The following TNK2 variants were observed in gnomAD, a reference collection of about 807,000 sequenced individuals.
The protein encoded by TNK2 is activated CDC42 kinase 1.
TNK2 carries 83 observed loss-of-function variants against 101.8 expected under a neutral mutation model. That is an observed-to-expected ratio of 0.82 (90% CI 0.68 to 0.98). The LOEUF (loss-of-function observed/expected upper bound fraction) is 0.98, where lower values mean the gene tolerates loss of function less well. Among genes scored for constraint, TNK2 ranks in the 50% least tolerant of loss-of-function variants. TNK2 has a pLI of 0.00. For synonymous variants in TNK2, 804 were observed against 633.0 expected, an observed-to-expected ratio of 1.27 and a Z score of -4.06; for missense variants, 1,665 against 1,483.2, an observed-to-expected ratio of 1.12 and a Z score of -2.01.
chr3:195,870,328 C>T (rs1744181705), intron 10 of TNK2, 123 bp from the exon 11 acceptor site: 23 of 1,532,214 alleles, frequency 1.5e-5, no homozygotes, highest in Non-Finnish European at 2.0e-5. Context: ...GCACAGGCCT[C>T]CCGCCTCCCA....
chr3:195,886,981 C>T lies in TNK2; in HGVS notation c.230G>A (p.Ser77Asn). 1 of 1,539,780 alleles carries T rather than the reference C, an allele frequency of 6.5e-7. No homozygotes were observed. The highest frequency in any genetic ancestry group is 8.8e-7 in the Non-Finnish European group (1 of 1,134,100). ...KALCKRKSWMSKVFSGKRLEA... is the reference protein window; with the variant it reads ...KALCKRKSWMNKVFSGKRLEA... ...CTCACCCACCTCCTCACCCACCTTA[C>T]TCATCCACGACTTGCGTTTGCACAA... Residue 77 changes from serine to asparagine, a missense_variant, in exon 3 of 16, where the codon AGT becomes AAT. Transcript: ENST00000672887. The surrounding 1 kb of genome is among the most constrained non-coding windows in gnomAD (Gnocchi z 4.2).
intron 11 of TNK2, chr3:195,869,820 TA>T: frequency 1.8e-6 from 1 of 562,606 alleles, no homozygotes; most frequent in Non-Finnish European, 3.2e-6. Flanking sequence ...AGAGCAGGAT[TA>T]GGGGGAAGTG....
At chr3:195,876,725 G>C (rs1413805512) in intron 9 of TNK2, 1 of 442,484 alleles carries the variant, frequency 2.3e-6, no homozygotes, top group South Asian at 1.6e-5. Flanking sequence ...GGAACCAGCG[G>C]CTGGGGCCAA....
chr3:195,885,066 C>G lies in TNK2; in HGVS notation c.235-33G>C. 1 of 1,552,990 alleles carries G rather than the reference C, an allele frequency of 6.4e-7. No individual in the cohort carries two copies. Among genetic ancestry groups the G allele is most frequent in the Non-Finnish European group, 8.7e-7 (1 of 1,145,316 alleles). On this transcript the variant is annotated intron_variant, in intron 3 of 15. Transcript: ENST00000672887. The surrounding 1 kb of genome is among the most constrained non-coding windows in gnomAD (Gnocchi z 4.7). The stretch of plus-strand genomic sequence containing the variant: ...AAGGCAGCCGGGGGCCAGATGGAAT[C>G]CAACACCCCAGGGTCAGTCACTCAG...
Position 195,899,572 on chromosome 3 carries a change from C to T in TNK2, c.-19+8913G>A, listed in dbSNP as rs55715968. On this transcript the variant is annotated intron_variant, in intron 1 of 15. Transcript: ENST00000672887. ...GTCTCGATCTCCTGACCTCATGATC[C>T]GCCCACCTCAGCCGCCCACAGGGCT... Among the ~76,000 whole-genome samples, 408 of 152,280 alleles carry T rather than the reference C, an allele frequency of 2.7e-3. 1 individual carries two copies. The highest frequency in any genetic ancestry group is 4.0e-3 in the Non-Finnish European group (275 of 68,022).
At chr3:195,901,499 T>G (rs1043374828) in intron 1 of TNK2, among the ~76,000 whole-genome samples, 14 of 151,514 alleles carry the variant, frequency 9.2e-5, no homozygotes, top group Non-Finnish European at 2.1e-4. Flanking sequence ...TACATCCAGC[T>G]GGGGGGCCCA....
intron 11 of TNK2, 157 bp from the exon 12 acceptor site, chr3:195,869,698 G>A (rs927970448): frequency 1.7e-5 from 13 of 750,450 alleles, no homozygotes; most frequent in East Asian, 8.1e-5. Context: ...ACGGGAGGCC[G>A]CAGGCGGCAG....
intron 15 of TNK2, among the ~76,000 whole-genome samples, chr3:195,864,400 C>T (rs985643369): frequency 6.6e-6 from 1 of 152,014 alleles, no homozygotes; most frequent in African/African-American, 2.4e-5. Flanking sequence ...TTAGAGAATC[C>T]GAAGACGACA....
rs771344043 is a variant in TNK2 at position 195,884,828 on chromosome 3, G to A, written c.440C>T (p.Ala147Val). The change falls in exon 4 of 16, where the codon GCG (alanine) becomes GTG (valine). Residue 147 changes from alanine (A) to valine (V), a missense_variant. Coordinates refer to ENST00000672887, the MANE Select transcript of TNK2 (RefSeq NM_001382273.1). ...AGAGCTCACCGTCTTCCCTGAGGGC[G>A]CGTCCCACTCGCCCCTGCGCACCAC... The part of the protein sequence containing the change: ...FGVVRRGEWD[A>V]PSGKTVSVAV... 32 of 1,611,462 alleles carry A rather than the reference G, an allele frequency of 2.0e-5. No homozygotes were observed. The Admixed American group carries it at 3.3e-4, about 17-fold the overall frequency.
Position 195,878,194 on chromosome 3 carries a change from C to A in TNK2, c.1256+59G>T. The A allele has an allele frequency of 1.3e-6, 2 of 1,561,180 alleles. No individual in the cohort carries two copies. Among genetic ancestry groups the A allele is most frequent in the East Asian group, 4.5e-5 (2 of 44,658 alleles). ...AGGCCAAACAGATCTGTCCACAGGT[C>A]CCTCCGACCTGTGCCCTTCAAGCGA... is the stretch of plus-strand genomic sequence containing the variant. On this transcript the variant is annotated intron_variant, in intron 9 of 15. Transcript: ENST00000672887. This position sits in a 1 kb window ranked among gnomAD's most constrained non-coding sequence, Gnocchi z 4.7.
chr3:195,876,175 C>G (rs1285314446), intron 9 of TNK2, among the ~76,000 whole-genome samples: 1 of 152,188 alleles, frequency 6.6e-6, no homozygotes, highest in African/African-American at 2.4e-5. Context: ...AAACGAGCCC[C>G]TGGGAAAGAC....
rs759919084 is a variant in TNK2, at chr3:195,887,024, C to G, written c.187G>C (p.Val63Leu). The G allele has an allele frequency of 1.2e-6, 2 of 1,613,940 alleles. No individual in the cohort carries two copies. Among genetic ancestry groups the G allele is most frequent in the East Asian group, 4.5e-5 (2 of 44,866 alleles). Residue 63 changes from valine to leucine, a missense_variant, in exon 3 of 16, where the codon GTG becomes CTG. This residue lies in a region of TNK2 where 490 missense variants were observed against 522.5 expected (regional missense o/e 0.94). Transcript: ENST00000672887. ...RPGQRRLWEA[V>L]KRRKALCKRK... ...TTGCACAAGGCCTTCCTCCTCTTCA[C>G]AGCCTCCCACAGCCGCCGCTGGCCT...
intron 1 of TNK2, among the ~76,000 whole-genome samples, chr3:195,907,517 G>T (rs1276498857): frequency 6.6e-6 from 1 of 152,182 alleles, no homozygotes; most frequent in Non-Finnish European, 1.5e-5. Context: ...CCCCACCCAG[G>T]GGCAGGGGAA....
intron 10 of TNK2, among the ~76,000 whole-genome samples, chr3:195,872,006 C>T (rs997435801): frequency 1.5e-5 from 2 of 131,416 alleles, no homozygotes; most frequent in Middle Eastern, 3.8e-3. Context: ...CCCTGGAGAA[C>T]ATTCCCCTGG....
intron 10 of TNK2, among the ~76,000 whole-genome samples, chr3:195,871,016 T>G (rs551394090): frequency 1.3e-3 from 192 of 145,064 alleles, no homozygotes; most frequent in Non-Finnish European, 2.2e-3. Flanking sequence ...TTCTGGTGTG[T>G]GGGGGCCCGC....
Position 195,886,886 on chromosome 3 carries a change from CG to C in TNK2, c.234+90del, listed in dbSNP as rs1560525348. ...GGCAGAACGGCGAGATTCGACCTGC[CG>C]GGGAGCTGGGGAAGGTTCCCAGGAC... On this transcript the variant is annotated intron_variant, in intron 3 of 15. Coordinates refer to ENST00000672887, the MANE Select transcript of TNK2 (RefSeq NM_001382273.1). The surrounding 1 kb of genome is among the most constrained non-coding windows in gnomAD (Gnocchi z 4.2). 7.0e-7 allele frequency: 1 copy of C among 1,423,210 alleles called. No homozygotes were observed. The allele number at this position is 1,423,210 out of a possible 1,614,324, so 88.2% of individuals were successfully genotyped here. A position where few individuals can be genotyped will look rare whatever the true frequency, so the allele number is the denominator to read the frequency against.
intron 12 of TNK2, 99 bp from the exon 13 acceptor site, chr3:195,868,808 C>T: frequency 1.5e-6 from 2 of 1,359,588 alleles, no homozygotes; most frequent in South Asian, 3.0e-5. Context: ...TGTCCCCCAG[C>T]AACCCTCCAC....
At chr3:195,869,656 T>C (rs1423616253) in intron 11 of TNK2, 115 bp from the exon 12 acceptor site, 4 of 1,032,940 alleles carry the variant, frequency 3.9e-6, no homozygotes, top group East Asian at 2.6e-5. Flanking sequence ...GAGAAGTGAA[T>C]GGGGGCGAGT....
intron 15 of TNK2, among the ~76,000 whole-genome samples, chr3:195,866,236 T>C (rs1740774598): frequency 6.6e-6 from 1 of 152,192 alleles, no homozygotes; most frequent in Admixed American, 6.5e-5. Flanking sequence ...AGTCTCCCTC[T>C]GTCGCCCAGG....
Sources: gnomAD v4.1 joint callset for allele counts (sites outside exome capture counted in the v4.1 genomes callset) on GRCh38, gnomAD v4.1.1 for gene constraint, gnomAD v4.1.1 regional missense constraint, Gnocchi (gnomAD v3.1) non-coding constraint, MANE v1.5 for transcripts, NCBI Gene and HGNC (gene_info 2026-07-23, HGNC 2026-07-21) for gene names.